SMS: variants seen among roughly 807,000 people sequenced by gnomAD.
SMS encodes the protein spermidine aminopropyltransferase.
SMS carries 3 observed loss-of-function variants against 33.0 expected under a neutral mutation model. That is an observed-to-expected ratio of 0.09 (90% CI 0.04 to 0.23). The LOEUF is 0.23. Ranked by LOEUF, SMS falls within the 10% of genes least tolerant of loss-of-function variation. The pLI is 1.00. For synonymous variants in SMS, 103 were observed against 112.2 expected (o/e 0.92, Z 0.52); for missense variants, 117 against 288.6 (o/e 0.41, Z 4.31).
intron 1 of SMS, among the ~76,000 whole-genome samples, chrX:21,962,130 TG>T (rs1214923248): frequency 9.0e-6 from 1 of 111,677 alleles, no homozygotes; most frequent in Non-Finnish European, 1.9e-5. Flanking sequence ...AGTTGGGGTG[TG>T]GGGTCTTTTA....
intron 6 of SMS, among the ~76,000 whole-genome samples, chrX:21,978,427 T>A (rs1260508041): frequency 3.6e-5 from 4 of 111,034 alleles, no homozygotes; most frequent in African/African-American, 1.3e-4. Context: ...TTACAAAAAT[T>A]AGCCAGGCAT....
intron 1 of SMS, among the ~76,000 whole-genome samples, chrX:21,959,034 G>A (rs889599766): frequency 1.8e-5 from 2 of 112,331 alleles, no homozygotes; most frequent in African/African-American, 6.5e-5. Flanking sequence ...TCTACTTTCT[G>A]GCTATTGCAT....
chrX:21,957,129 TGGA>T (rs2147497946), intron 1 of SMS, among the ~76,000 whole-genome samples: 1 of 104,158 alleles, frequency 9.6e-6, no homozygotes, highest in Admixed American at 1.1e-4. Context: ...CAGCTTGTGG[TGGA>T]GGAGGAGGAG....
chrX:21,980,432 A>ATT (rs1197015258), intron 7 of SMS, among the ~76,000 whole-genome samples: 4 of 87,318 alleles, frequency 4.6e-5, no homozygotes, highest in African/African-American at 9.0e-5. Context: ...AAAAAAAAAT[A>ATT]TATATATATA....
intron 1 of SMS, among the ~76,000 whole-genome samples, chrX:21,961,072 G>A (rs999507542): frequency 1.3e-5 from 1 of 78,415 alleles, no homozygotes; most frequent in African/African-American, 5.6e-5. Context: ...TGCCAGGTTC[G>A]ATTTTGATTC....
At chrX:21,963,743 T>G (rs1050269606) in intron 1 of SMS, among the ~76,000 whole-genome samples, 3 of 111,926 alleles carry the variant, frequency 2.7e-5, no homozygotes, top group Non-Finnish European at 5.6e-5. Context: ...CACAGCCTGG[T>G]CAATTACACG....
intron 1 of SMS, among the ~76,000 whole-genome samples, chrX:21,960,568 A>G (rs1362437560): frequency 2.7e-5 from 3 of 112,164 alleles, no homozygotes; most frequent in Non-Finnish European, 3.8e-5. Context: ...AAAAATACAC[A>G]TATTGCTTCT....
intron 9 of SMS, among the ~76,000 whole-genome samples, chrX:21,990,879 G>A (rs1176576876): frequency 8.9e-6 from 1 of 112,662 alleles, no homozygotes; most frequent in Non-Finnish European, 1.9e-5. Flanking sequence ...TGAACTTGAT[G>A]TTGAAACCAA....
chrX:21,984,941 C>T (rs769306336), intron 8 of SMS, among the ~76,000 whole-genome samples: 1 of 111,696 alleles, frequency 9.0e-6, no homozygotes, highest in East Asian at 2.8e-4. Context: ...ATTTTGAGAG[C>T]GAGCAGTGCT....
intron 9 of SMS, among the ~76,000 whole-genome samples, chrX:21,988,955 C>G: frequency 9.1e-6 from 1 of 110,153 alleles, no homozygotes; most frequent in Non-Finnish European, 1.9e-5. Flanking sequence ...CCTCTCTTGT[C>G]TCCCCACAGC....
rs752705657 is a variant in SMS at position 21,958,419 on chromosome X, G to A, written c.50-8777G>A. ...GTAAGTGGGATTCTGAAGGCTCAGC[G>A]TGTTAGTTTGGGATTTTTGGGGAAC... On this transcript the variant is annotated intron_variant, in intron 1 of 10. Coordinates refer to ENST00000404933, the MANE Select transcript of SMS (RefSeq NM_004595.5). Among the ~76,000 whole-genome samples the A allele has an allele frequency of 4.4e-5, 5 of 112,520 alleles. No individual in the cohort carries two copies. The South Asian group carries it at 1.1e-3, about 25-fold the overall frequency.
chrX:21,958,699 A>G (rs12012974), intron 1 of SMS, among the ~76,000 whole-genome samples: 1,176 of 112,055 alleles, frequency 0.01, 21 homozygotes, highest in African/African-American at 0.036. Flanking sequence ...TTTTTGAGGT[A>G]AAGTTTTGCT....
chrX:21,953,255 G>C (rs1378815205), intron 1 of SMS, among the ~76,000 whole-genome samples: 2 of 107,973 alleles, frequency 1.9e-5, no homozygotes, highest in African/African-American at 6.8e-5. Context: ...GGACTGAGCC[G>C]TGAACAAAGA....
intron 1 of SMS, among the ~76,000 whole-genome samples, chrX:21,943,626 C>T (rs757958158): frequency 1.9e-5 from 2 of 105,832 alleles, no homozygotes; most frequent in Non-Finnish European, 3.9e-5. Context: ...AGAACTATTA[C>T]GTGTGTGTGG....
chrX:21,947,969 T>G (rs1470626540), intron 1 of SMS, among the ~76,000 whole-genome samples: 1 of 111,811 alleles, frequency 8.9e-6, no homozygotes. Flanking sequence ...TGGCATTGCC[T>G]TCCTTTGGCA....
chrX:21,981,125 A>G (rs1418702706), intron 7 of SMS, among the ~76,000 whole-genome samples: 3 of 111,245 alleles, frequency 2.7e-5, no homozygotes, highest in African/African-American at 9.8e-5. Context: ...GTTGGAGAAC[A>G]GCCTGGTCAA....
intron 10 of SMS, among the ~76,000 whole-genome samples, chrX:21,993,852 C>A (rs1224158337): frequency 9.3e-6 from 1 of 108,064 alleles, no homozygotes; most frequent in African/African-American, 3.4e-5. Context: ...TCTTCTCTCT[C>A]CCTCCTTCCT....
chrX:21,985,846 G>C (rs1925288882), intron 9 of SMS, among the ~76,000 whole-genome samples: 1 of 110,765 alleles, frequency 9.0e-6, no homozygotes, highest in African/African-American at 3.3e-5. Flanking sequence ...AACATAGTAA[G>C]ACTCCATTTC....
At chrX:21,942,909 G>A (rs1921923526) in intron 1 of SMS, among the ~76,000 whole-genome samples, 1 of 104,174 alleles carries the variant, frequency 9.6e-6, no homozygotes, top group South Asian at 4.4e-4. Flanking sequence ...GTGCGATCTC[G>A]GCTCACTGCA....
Sources: gnomAD v4.1 joint callset for allele counts (sites outside exome capture counted in the v4.1 genomes callset) on GRCh38, gnomAD v4.1.1 for gene constraint, MANE v1.5 for transcripts, NCBI Gene and HGNC (gene_info 2026-07-23, HGNC 2026-07-21) for gene names.